ABCC4: variants seen among roughly 807,000 people sequenced by gnomAD.
ABCC4 encodes ATP-binding cassette sub-family C member 4.
A neutral mutation model predicts 168.5 loss-of-function variants in ABCC4; 102 were observed. The observed-to-expected ratio is 0.61, with a 90% confidence interval of 0.52 to 0.71. The LOEUF (loss-of-function observed/expected upper bound fraction) is 0.71. ABCC4 is among the 30% of genes least tolerant of loss of function. The pLI is 0.00. For synonymous variants in ABCC4, 617 were observed against 590.7 expected (o/e 1.04, Z -0.65); for missense variants, 1,402 against 1,605.8 (o/e 0.87, Z 2.17).
At chr13:95,215,338 T>C (rs143604864) in intron 4 of ABCC4, among the ~76,000 whole-genome samples, 9,985 of 151,820 alleles carry the variant, frequency 0.066, 680 homozygotes, top group African/African-American at 0.17. Flanking sequence ...GAGGCGGAGG[T>C]TGCAGTGAGC....
In ABCC4 at chr13:95,178,091, C is replaced by A. The variant is rs2037770256; in HGVS notation, c.1546G>T (p.Asp516Tyr). Residue 516 changes from aspartate to tyrosine, a missense_variant and splice_region_variant, in exon 12 of 31, where the codon GAT (aspartate) becomes TAT (tyrosine). Asp to Tyr is a radical substitution (Grantham distance 160, BLOSUM62 -3). This residue lies in a region of ABCC4 where 1,007 missense variants were observed against 1,127.3 expected (regional missense o/e 0.89). Coordinates refer to ENST00000645237, the MANE Select transcript of ABCC4 (RefSeq NM_005845.5). ...TCACCATCCTCCAACAGCTGTAAAT[C>A]CTGTATGGACAAAGGAAAGAAGGGG... Reference protein sequence around the residue: ...KVIKACALKKDLQLLEDGDLT... With the variant: ...KVIKACALKKYLQLLEDGDLT... 5 of 1,613,560 alleles carry A rather than the reference C, an allele frequency of 3.1e-6. No individual in the cohort carries two copies. Among genetic ancestry groups the A allele is most frequent in the Admixed American group, 3.3e-5 (2 of 59,998 alleles).
chr13:95,163,497 G>T (rs879250142), intron 17 of ABCC4, 113 bp downstream of exon 17: 1 of 1,039,312 alleles, frequency 9.6e-7, no homozygotes, highest in Non-Finnish European at 1.4e-6. Context: ...TCGGGTAAAC[G>T]AAGTGAGGAT....
At chr13:95,123,881 T>G (rs1214549059) in intron 19 of ABCC4, among the ~76,000 whole-genome samples, 2 of 152,112 alleles carry the variant, frequency 1.3e-5, no homozygotes, top group Non-Finnish European at 2.9e-5. Context: ...TCAGCCCTCA[T>G]GGGAACAGGG....
In ABCC4 at chr13:95,128,719, G is replaced by A. The variant is rs574413107; in HGVS notation, c.2456-12718C>T. Among the ~76,000 whole-genome samples the A allele has an allele frequency of 5.3e-5, 8 of 152,232 alleles. No homozygotes were observed. The South Asian group carries it at 1.2e-3, about 24-fold the overall frequency. Reference sequence around the variant, plus strand: ...TAACCACCCTAAAAACCCACCATCCGTACAAGTTGTCAATCCAGCAAAAAT... The same window carrying A: ...TAACCACCCTAAAAACCCACCATCCATACAAGTTGTCAATCCAGCAAAAAT... On this transcript the variant is annotated intron_variant, in intron 19 of 30. Transcript: ENST00000645237.
intron 3 of ABCC4, among the ~76,000 whole-genome samples, chr13:95,241,989 T>C (rs1312473297): frequency 6.6e-6 from 1 of 152,098 alleles, no homozygotes; most frequent in Non-Finnish European, 1.5e-5. Flanking sequence ...GTTTATATTC[T>C]ACTGTTCAAC....
intron 19 of ABCC4, among the ~76,000 whole-genome samples, chr13:95,137,509 A>T (rs763249379): frequency 6.6e-6 from 1 of 152,228 alleles, no homozygotes; most frequent in Non-Finnish European, 1.5e-5. Flanking sequence ...ATGGTAGAAT[A>T]TTTAAGGGGG....
In ABCC4 at chr13:95,062,853, T is replaced by C. The variant is rs1464589338; in HGVS notation, c.3217A>G (p.Ile1073Val). Residue 1073 changes from isoleucine to valine, a missense_variant, in exon 26 of 31, where the codon ATT (isoleucine) becomes GTT (valine). Transcript: ENST00000645237. ...TTTCCAGCTCCGGTTCTTCCCACAA[T>C]GCCAACCTACAGAGAGATCCAGGCG... ...ALIKSQEKVG[I>V]VGRTGAGKSS... 53 of 1,606,462 alleles carry C rather than the reference T, an allele frequency of 3.3e-5. No homozygotes were observed. The highest frequency in any genetic ancestry group is 4.2e-5 in the Non-Finnish European group (50 of 1,178,134).
chr13:95,060,474 C>T (rs974177675), intron 26 of ABCC4, among the ~76,000 whole-genome samples: 8 of 152,200 alleles, frequency 5.3e-5, no homozygotes, highest in African/African-American at 9.7e-5. Flanking sequence ...ATGCAGGGCA[C>T]GTTCCTAGAA....
chr13:95,216,700 A>C (rs1294655965), intron 4 of ABCC4, among the ~76,000 whole-genome samples: 3 of 152,000 alleles, frequency 2.0e-5, no homozygotes, highest in African/African-American at 7.2e-5. Flanking sequence ...GTAAATTAAA[A>C]CAACAATGCA....
At chr13:95,185,645 G>A (rs1462979690) in intron 11 of ABCC4, among the ~76,000 whole-genome samples, 1 of 150,914 alleles carries the variant, frequency 6.6e-6, no homozygotes, top group Non-Finnish European at 1.5e-5. Context: ...CACAGGGCCT[G>A]GGGAGAGCCC....
intron 13 of ABCC4, among the ~76,000 whole-genome samples, chr13:95,176,245 G>GGGGC (rs2037695623): frequency 1.7e-5 from 1 of 60,174 alleles, no homozygotes; most frequent in Non-Finnish European, 3.8e-5. Context: ...GGGGGGGGGG[G>GGGGC]TGGATCCCTT....
At chr13:95,201,564 G>A (rs949337230) in intron 8 of ABCC4, among the ~76,000 whole-genome samples, 3 of 152,164 alleles carry the variant, frequency 2.0e-5, no homozygotes, top group African/African-American at 7.2e-5. Flanking sequence ...TCTGCCTTTT[G>A]TAAGTTTAGA....
At chr13:95,170,804 G>A (rs2037444148) in intron 13 of ABCC4, among the ~76,000 whole-genome samples, 176 bp from the exon 14 acceptor site, 1 of 152,132 alleles carries the variant, frequency 6.6e-6, no homozygotes, top group South Asian at 2.1e-4. Context: ...AAAACCACTA[G>A]CAGCAAATAC....
intron 26 of ABCC4, among the ~76,000 whole-genome samples, chr13:95,061,255 C>T (rs1594029621): frequency 2.0e-5 from 3 of 152,246 alleles, no homozygotes; most frequent in Admixed American, 2.0e-4. Context: ...TGCTGGATCA[C>T]ATTAGCTCTC....
At chr13:95,174,700 C>T (rs919676768) in intron 13 of ABCC4, among the ~76,000 whole-genome samples, 8 of 152,188 alleles carry the variant, frequency 5.3e-5, no homozygotes, top group African/African-American at 1.7e-4. Flanking sequence ...AGCGTCCCAC[C>T]GGGAATTGTT....
intron 21 of ABCC4, among the ~76,000 whole-genome samples, chr13:95,075,956 A>G (rs2033885977): frequency 6.6e-6 from 1 of 152,118 alleles, no homozygotes; most frequent in African/African-American, 2.4e-5. Context: ...TACTCACCAT[A>G]CTGAATTACA....
chr13:95,068,330 C>T (rs553025083), intron 25 of ABCC4, among the ~76,000 whole-genome samples: 1 of 152,250 alleles, frequency 6.6e-6, no homozygotes, highest in East Asian at 1.9e-4. Context: ...GGACACAAAT[C>T]AAAAGCCAAG....
intron 19 of ABCC4, among the ~76,000 whole-genome samples, chr13:95,123,514 G>A (rs1309971183): frequency 1.3e-5 from 2 of 151,930 alleles, no homozygotes; most frequent in Non-Finnish European, 2.9e-5. Flanking sequence ...GACGTGCACC[G>A]CCACACCCAG....
At chr13:95,025,019 G>A (rs2031323468) in intron 30 of ABCC4, among the ~76,000 whole-genome samples, 2 of 151,912 alleles carry the variant, frequency 1.3e-5, no homozygotes, top group African/African-American at 2.4e-5. Context: ...TTGGAGGAGC[G>A]CTAAGGTATG....
Sources: allele counts gnomAD v4.1 joint callset (sites outside exome capture counted in the v4.1 genomes callset), GRCh38; gene constraint gnomAD v4.1.1; regional missense constraint gnomAD v4.1.1; transcripts MANE v1.5; gene names NCBI Gene and HGNC (gene_info 2026-07-23, HGNC 2026-07-21).